GALNS: variants seen among roughly 807,000 people sequenced by gnomAD.
GALNS encodes the protein N-acetylgalactosamine-6-sulfatase.
Under a neutral mutation model 65.9 loss-of-function variants are expected in GALNS, and 65 were observed. The observed-to-expected ratio is 0.99, with a 90% CI of 0.81 to 1.21. GALNS has a LOEUF of 1.21. Among genes scored for constraint, GALNS ranks in the 50% most tolerant of loss-of-function variants. The probability of loss-of-function intolerance (pLI) is 0.00; values close to 1 mark genes in which losing one functional copy is unlikely to be tolerated. For synonymous variants in GALNS, 346 were observed against 288.9 expected, an observed-to-expected ratio of 1.20 and a Z score of -2.00; for missense variants, 776 against 700.7, an observed-to-expected ratio of 1.11 and a Z score of -1.21.
chr16:88,824,915 C>A, intron 10 of GALNS, 46 bp from the exon 11 acceptor site: 1 of 1,507,618 alleles, frequency 6.6e-7, no homozygotes. Context: ...GAAGGACACG[C>A]TGGGGCCACC....
intron 9 of GALNS, among the ~76,000 whole-genome samples, chr16:88,828,670 G>A (rs1226810780): frequency 6.6e-6 from 1 of 152,252 alleles, no homozygotes; most frequent in African/African-American, 2.4e-5. Flanking sequence ...AGGGAGCGAG[G>A]CAGATGGCAA....
At chr16:88,815,745 C>G in intron 13 of GALNS, 1 of 985,464 alleles carries the variant, frequency 1.0e-6, no homozygotes. Flanking sequence ...AGCAGGGATG[C>G]CGCATGAGTG....
intron 11 of GALNS, among the ~76,000 whole-genome samples, chr16:88,824,405 G>A (rs1028862855): frequency 1.3e-5 from 2 of 152,126 alleles, no homozygotes; most frequent in African/African-American, 4.8e-5. Context: ...TGTAGCACCT[G>A]GGCCAAGCAG....
rs555065255 is a variant in GALNS at position 88,840,690 on chromosome 16, G to A, written c.422+302C>T. ...AAGGACGACGTGGCAGGAGGCAGCCGGGGGGCAGTGGTGGCGGGTGCTAGG... is the reference window on the plus strand; with the variant it reads ...AAGGACGACGTGGCAGGAGGCAGCCAGGGGGCAGTGGTGGCGGGTGCTAGG... On this transcript the variant is annotated intron_variant, in intron 4 of 13. Transcript: ENST00000268695. The A allele has an allele frequency of 1.1e-3, 483 of 444,684 alleles. 3 individuals are homozygous for A. Among genetic ancestry groups the A allele is most frequent in the African/African-American group, 8.0e-3 (399 of 50,046 alleles). 27.5% of individuals were successfully genotyped at this position (444,684 alleles called of 1,614,324 possible). A position where few individuals can be genotyped will look rare whatever the true frequency, so the allele number is the denominator to read the frequency against.
rs1279884781 is a variant in GALNS at position 88,827,614 on chromosome 16, T to C, written c.1003-776A>G. ...GGTATGTGTCACTACGCCCGGCTAA[T>C]TTTGTACTTTTAGTAGAGACGGGGT... On this transcript the variant is annotated intron_variant, in intron 9 of 13. Transcript: ENST00000268695. Among the ~76,000 whole-genome samples the C allele has an allele frequency of 5.9e-5, 9 of 152,230 alleles. No individual in the cohort carries two copies. The East Asian group carries it at 1.7e-3, about 29-fold the overall frequency.
intron 1 of GALNS, among the ~76,000 whole-genome samples, chr16:88,854,800 C>T (rs1597604479): frequency 6.6e-6 from 1 of 152,390 alleles, no homozygotes. Flanking sequence ...GGAATCCCCA[C>T]TGTTGCTTGT....
chr16:88,815,818 CA>C (rs1392778896), intron 13 of GALNS: 1 of 985,214 alleles, frequency 1.0e-6, no homozygotes, highest in African/African-American at 1.7e-5. Flanking sequence ...TCCCAAACTC[CA>C]GGGGCAGCAG....
At chr16:88,849,377 T>C (rs530226299) in intron 1 of GALNS, among the ~76,000 whole-genome samples, 38 of 152,180 alleles carry the variant, frequency 2.5e-4, no homozygotes, top group African/African-American at 7.5e-4. Context: ...CTCCGGCTCT[T>C]GGGTTCAAGC....
In GALNS at chr16:88,824,882, A is replaced by G; in HGVS notation, c.1140-13T>C. The G allele has an allele frequency of 6.2e-7, 1 of 1,610,582 alleles. No individual in the cohort carries two copies. The highest frequency in any genetic ancestry group is 8.5e-7 in the Non-Finnish European group (1 of 1,178,028). ...ATAGAAGATAGGCCTGTGGGATGGG[A>G]GGGGAGGACCATGTAATGACAGGAA... On this transcript the variant is annotated splice_polypyrimidine_tract_variant and intron_variant, in intron 10 of 13. Coordinates refer to ENST00000268695, the MANE Select transcript of GALNS (RefSeq NM_000512.5).
chr16:88,840,483 G>A (rs533239862), intron 4 of GALNS: 11 of 200,256 alleles, frequency 5.5e-5, no homozygotes, highest in Admixed American at 3.2e-4. Context: ...AAACCGCAGC[G>A]TGGGGGCTGT....
intron 4 of GALNS, among the ~76,000 whole-genome samples, chr16:88,839,975 G>A (rs950229281): frequency 6.6e-6 from 1 of 152,230 alleles, no homozygotes; most frequent in South Asian, 2.1e-4. Flanking sequence ...GTACTCACGC[G>A]CTCCAGTGGC....
chr16:88,817,337 G>A (rs575287256), intron 13 of GALNS: 4 of 985,336 alleles, frequency 4.1e-6, no homozygotes, highest in Admixed American at 6.1e-5. Flanking sequence ...CGATGCTGGC[G>A]TGATGAGGCC....
intron 8 of GALNS, among the ~76,000 whole-genome samples, chr16:88,832,594 G>GA (rs1911624038): frequency 6.6e-6 from 1 of 152,176 alleles, no homozygotes; most frequent in African/African-American, 2.4e-5. Flanking sequence ...TCACTTGTGG[G>GA]AAGTGGTCAC....
chr16:88,853,661 A>G (rs1181331105), intron 1 of GALNS, among the ~76,000 whole-genome samples: 1 of 152,160 alleles, frequency 6.6e-6, no homozygotes, highest in Non-Finnish European at 1.5e-5. Flanking sequence ...ACTGGGTCTC[A>G]CCTGTCTCCA....
intron 13 of GALNS, among the ~76,000 whole-genome samples, chr16:88,814,801 A>G (rs1909461923): frequency 1.3e-5 from 2 of 152,202 alleles, no homozygotes; most frequent in Admixed American, 1.3e-4. Context: ...GAGTTTCACC[A>G]TCTTGACCAG....
Position 88,856,899 on chromosome 16 carries a change from G to A in GALNS, c.-22C>T, listed in dbSNP as rs1360638297. 6.7e-6 allele frequency: 10 copies of A among 1,500,046 alleles called. 1 individual carries two copies. The highest frequency in any genetic ancestry group is 2.5e-5 in the South Asian group (2 of 80,564). 92.9% of individuals were successfully genotyped at this position (1,500,046 alleles called of 1,614,324 possible). On this transcript the variant is annotated 5_prime_UTR_variant, in exon 1 of 14. Transcript: ENST00000268695. ...CCATGGCAACCACGGGAGCCGCGGAGCCCCGGCCAGCGAGCCGACCTAGCG... is the reference window on the plus strand; with the variant it reads ...CCATGGCAACCACGGGAGCCGCGGAACCCCGGCCAGCGAGCCGACCTAGCG...
At chr16:88,835,168 A>T in intron 8 of GALNS, 45 bp downstream of exon 8, 1 of 1,553,712 alleles carries the variant, frequency 6.4e-7, no homozygotes, top group Non-Finnish European at 8.7e-7. Flanking sequence ...CTTCGCTGAC[A>T]CGCTGGCTGT....
At chr16:88,835,987 T>A (rs1912092119) in intron 6 of GALNS, 138 bp from the exon 7 acceptor site, 1 of 1,389,364 alleles carries the variant, frequency 7.2e-7, no homozygotes, top group Non-Finnish European at 1.0e-6. Context: ...GCAAGGTTGG[T>A]GCGGTCCCCG....
intron 10 of GALNS, among the ~76,000 whole-genome samples, 166 bp from the exon 11 acceptor site, chr16:88,825,035 G>GT (rs1910664600): frequency 6.6e-6 from 1 of 151,974 alleles, no homozygotes; most frequent in African/African-American, 2.4e-5. Flanking sequence ...AGGTGGCTGG[G>GT]GCTGGGGTGC....
Sources: allele counts gnomAD v4.1 joint callset (sites outside exome capture counted in the v4.1 genomes callset), GRCh38; gene constraint gnomAD v4.1.1; transcripts MANE v1.5; gene names NCBI Gene and HGNC (gene_info 2026-07-23, HGNC 2026-07-21).